WWOX: variants seen among roughly 807,000 people sequenced by gnomAD.
WWOX encodes WW domain-containing oxidoreductase.
Under a neutral mutation model 46.2 loss-of-function variants are expected in WWOX, and 69 were observed. That is an observed-to-expected ratio of 1.49 (90% CI 1.23 to 1.82). WWOX has a LOEUF of 1.82. Ranked by LOEUF, WWOX falls within the 40% of genes most tolerant of loss-of-function variation. The probability of loss-of-function intolerance (pLI) is 0.00; values close to 1 mark genes in which losing one functional copy is unlikely to be tolerated. For missense variants in WWOX, 919 were observed against 542.6 expected, an observed-to-expected ratio of 1.69 and a Z score of -6.89; for synonymous variants, 359 against 202.6, an observed-to-expected ratio of 1.77 and a Z score of -6.56.
At chr16:78,863,200 C>T (rs1159215649) in intron 8 of WWOX, among the ~76,000 whole-genome samples, 2 of 152,126 alleles carry the variant, frequency 1.3e-5, no homozygotes, top group Non-Finnish European at 2.9e-5. Flanking sequence ...TCAGGTGATC[C>T]ACCCGCCTTG....
intron 8 of WWOX, chr16:78,895,658 T>C (rs1438135955): frequency 1.3e-5 from 2 of 152,204 alleles, no homozygotes; most frequent in African/African-American, 2.4e-5. Context: ...ATAACTATCA[T>C]TGGTGTTTTC....
At position 78,663,132 on chromosome 16, in the gene WWOX, C is replaced by T. The variant is rs148251518; in HGVS notation, c.1056+230380C>T. ...CATTTTTATCACCCCTAAAAGAAAC[C>T]CTGTACCCTTCAGCCAGCATTCCCT... is the stretch of plus-strand genomic sequence containing the variant. On this transcript the variant is annotated intron_variant, in intron 8 of 8. Transcript: ENST00000566780. Among the ~76,000 whole-genome samples, 493 of 151,984 alleles carry T rather than the reference C, an allele frequency of 3.2e-3. 3 individuals are homozygous for T. The highest frequency in any genetic ancestry group is 0.011 in the African/African-American group (471 of 41,520).
intron 8 of WWOX, among the ~76,000 whole-genome samples, chr16:79,051,145 G>A (rs1318120121): frequency 6.6e-6 from 1 of 152,192 alleles, no homozygotes; most frequent in Non-Finnish European, 1.5e-5. Context: ...ATGCTGATCA[G>A]TTGTTAATAT....
chr16:78,824,767 G>A (rs2051602799), intron 8 of WWOX, among the ~76,000 whole-genome samples: 2 of 152,096 alleles, frequency 1.3e-5, no homozygotes, highest in South Asian at 4.1e-4. Context: ...ACCTCGCCCT[G>A]GGTCCCTCCC....
chr16:78,608,372 A>T (rs2045814952), intron 8 of WWOX, among the ~76,000 whole-genome samples: 1 of 152,160 alleles, frequency 6.6e-6, no homozygotes, highest in African/African-American at 2.4e-5. Context: ...CCAGATTGCA[A>T]GTCTGTTTGA....
intron 5 of WWOX, among the ~76,000 whole-genome samples, chr16:78,257,654 C>T (rs2038168421): frequency 6.6e-6 from 1 of 151,786 alleles, no homozygotes; most frequent in Admixed American, 6.6e-5. Context: ...CGGTTTTTTC[C>T]ATCTCCATTC....
intron 8 of WWOX, among the ~76,000 whole-genome samples, chr16:79,022,846 G>A (rs905894583): frequency 2.0e-5 from 3 of 152,206 alleles, no homozygotes; most frequent in African/African-American, 7.2e-5. Context: ...TGCAGATAGA[G>A]TCTGTGCTTT....
chr16:78,203,769 C>A (rs114303876), intron 5 of WWOX, among the ~76,000 whole-genome samples: 1 of 152,108 alleles, frequency 6.6e-6, no homozygotes, highest in Non-Finnish European at 1.5e-5. Context: ...CTTGGGCAAG[C>A]GCGTGCTAGT....
chr16:78,961,400 A>C (rs1296235376), intron 8 of WWOX, among the ~76,000 whole-genome samples: 3 of 152,214 alleles, frequency 2.0e-5, no homozygotes, highest in African/African-American at 7.2e-5. Flanking sequence ...GGCATGGCAC[A>C]AAGATAACAC....
chr16:78,161,697 G>A (rs533967546), intron 4 of WWOX, among the ~76,000 whole-genome samples: 24 of 152,206 alleles, frequency 1.6e-4, no homozygotes, highest in Non-Finnish European at 1.6e-4. Context: ...TGCTTTGGCC[G>A]CCCACGGTGC....
chr16:78,330,348 T>C (rs73576443), intron 5 of WWOX, among the ~76,000 whole-genome samples: 3,364 of 152,244 alleles, frequency 0.022, 145 homozygotes, highest in African/African-American at 0.077. Flanking sequence ...CAAAGCTCTA[T>C]GTAAATGTCC....
At chr16:78,800,075 G>A (rs1352585156) in intron 8 of WWOX, among the ~76,000 whole-genome samples, 1 of 152,096 alleles carries the variant, frequency 6.6e-6, no homozygotes, top group Non-Finnish European at 1.5e-5. Flanking sequence ...TTATCCTTCG[G>A]GTTGGCTCTG....
chr16:79,149,737 G>T (rs1334266267), intron 8 of WWOX, among the ~76,000 whole-genome samples: 1 of 152,240 alleles, frequency 6.6e-6, no homozygotes, highest in Non-Finnish European at 1.5e-5. Context: ...ACCGCAGCCA[G>T]TGGGTTACAG....
chr16:78,482,384 G>A (rs1177218778), intron 8 of WWOX, among the ~76,000 whole-genome samples: 11 of 152,114 alleles, frequency 7.2e-5, no homozygotes, highest in African/African-American at 2.4e-4. Context: ...ACCATAGCTG[G>A]CTAATTTTTG....
At chr16:78,622,832 GA>G (rs926631976) in intron 8 of WWOX, among the ~76,000 whole-genome samples, 11 of 152,186 alleles carry the variant, frequency 7.2e-5, no homozygotes, top group African/African-American at 1.7e-4. Flanking sequence ...TGAGCAGGGG[GA>G]TCCTCCTGGG....
intron 6 of WWOX, among the ~76,000 whole-genome samples, chr16:78,416,739 G>C (rs376380050): frequency 6.6e-6 from 1 of 152,236 alleles, no homozygotes. Context: ...AACTATCTTT[G>C]AGGAATTTAA....
At chr16:78,182,461 G>C (rs1408601381) in intron 5 of WWOX, among the ~76,000 whole-genome samples, 5 of 151,892 alleles carry the variant, frequency 3.3e-5, no homozygotes. Context: ...AAGGGTCTCA[G>C]CTAAGCTTTT....
At chr16:78,764,193 A>G (rs553546729) in intron 8 of WWOX, among the ~76,000 whole-genome samples, 2 of 152,194 alleles carry the variant, frequency 1.3e-5, no homozygotes, top group South Asian at 4.1e-4. Context: ...TATTGTTCTC[A>G]GTCTTCCGGC....
intron 8 of WWOX, among the ~76,000 whole-genome samples, chr16:78,895,176 C>T (rs977219480): frequency 9.2e-5 from 14 of 152,194 alleles, no homozygotes; most frequent in Non-Finnish European, 7.3e-5. Flanking sequence ...TTGATAGCAT[C>T]AACGGCTTTA....
Sources: allele counts gnomAD v4.1 joint callset (sites outside exome capture counted in the v4.1 genomes callset), GRCh38; gene constraint gnomAD v4.1.1; transcripts MANE v1.5; gene names NCBI Gene and HGNC (gene_info 2026-07-23, HGNC 2026-07-21).